ZRSR2: variants seen among roughly 807,000 people sequenced by gnomAD.
The protein encoded by ZRSR2 is zinc finger CCCH-type, RNA binding motif and serine/arginine rich 2, also known as U2 small nuclear ribonucleoprotein auxiliary factor 35 kDa subunit-related protein 2.
Under a neutral mutation model 39.4 loss-of-function variants are expected in ZRSR2, and 3 were observed. The observed-to-expected ratio is 0.08, with a 90% CI of 0.03 to 0.20. ZRSR2 has a LOEUF of 0.20. Among genes scored for constraint, ZRSR2 ranks in the 10% least tolerant of loss-of-function variants. The pLI, the probability that ZRSR2 is intolerant of heterozygous loss-of-function variation, is 1.00. For synonymous variants in ZRSR2, 137 were observed against 136.0 expected (o/e 1.01, Z -0.05); for missense variants, 256 against 391.5 (o/e 0.65, Z 2.92).
At chrX:15,793,595 A>G (rs1185757084) in intron 2 of ZRSR2, among the ~76,000 whole-genome samples, 1 of 111,539 alleles carries the variant, frequency 9.0e-6, no homozygotes, top group Non-Finnish European at 1.9e-5. Context: ...CTGGAGTGCA[A>G]TGGCACGATC....
intron 5 of ZRSR2, among the ~76,000 whole-genome samples, chrX:15,805,663 G>A (rs1932772048): frequency 8.9e-6 from 1 of 111,781 alleles, no homozygotes; most frequent in Non-Finnish European, 1.9e-5. Context: ...CAGGCGTGGT[G>A]GCTCACGCCT....
At position 15,808,192 on chromosome X, in the gene ZRSR2, A is replaced by C. The variant is rs746597970; in HGVS notation, c.400-41A>C. 5 of 1,176,590 alleles carry C rather than the reference A, an allele frequency of 4.2e-6. No individual in the cohort carries two copies. The South Asian group carries it at 8.9e-5, about 21-fold the overall frequency. ...AGAGAAACCAGATGTGACTTACCTG[A>C]CTTCTGGGTTTTTATTAGTCCTGTG... On this transcript the variant is annotated intron_variant, in intron 5 of 10. Transcript: ENST00000307771.
intron 5 of ZRSR2, 69 bp downstream of exon 5, chrX:15,804,266 G>A: frequency 9.1e-7 from 1 of 1,094,853 alleles, no homozygotes; most frequent in Non-Finnish European, 1.2e-6. Context: ...TCAGAGTTTG[G>A]GTTTTTTTTT....
intron 7 of ZRSR2, 103 bp downstream of exon 7, chrX:15,809,421 G>A: frequency 3.5e-6 from 2 of 573,895 alleles, no homozygotes; most frequent in East Asian, 3.4e-5. Flanking sequence ...TCAAATGTCC[G>A]TCATCAGACA....
At chrX:15,818,560 A>G (rs749817986) in intron 8 of ZRSR2, 27 bp from the exon 9 acceptor site, 1 of 1,183,826 alleles carries the variant, frequency 8.4e-7, no homozygotes, top group Admixed American at 2.3e-5. Context: ...TGAATTTTTT[A>G]TGATAGCATT....
Position 15,822,817 on chromosome X carries a change from G to A in ZRSR2, c.1024G>A (p.Ala342Thr). The A allele has an allele frequency of 8.2e-7, 1 of 1,212,298 alleles. No homozygotes were observed. The highest frequency in any genetic ancestry group is 1.1e-6 in the Non-Finnish European group (1 of 895,660). The stretch of plus-strand genomic sequence containing the variant: ...AAATCCCAACAATGAATTCTGGGAA[G>A]CTAATAGAGACATCTACTTGTCTCC... Reference protein sequence around the residue: ...FRNPNNEFWEANRDIYLSPDR... With the variant: ...FRNPNNEFWETNRDIYLSPDR... Residue 342 changes from alanine (A) to threonine (T), a missense_variant, in exon 11 of 11, where the codon GCT (alanine) becomes ACT (threonine). By Grantham distance (58) the Ala-to-Thr change is moderately conservative. Transcript: ENST00000307771.
At chrX:15,805,670 G>A (rs1452939200) in intron 5 of ZRSR2, among the ~76,000 whole-genome samples, 3 of 111,562 alleles carry the variant, frequency 2.7e-5, no homozygotes, top group African/African-American at 6.5e-5. Flanking sequence ...GGTGGCTCAC[G>A]CCTGTAATCC....
Position 15,822,961 on chromosome X carries a change from A to G in ZRSR2, c.1168A>G (p.Lys390Glu), listed in dbSNP as rs1933149593. ...AAACCCTAGTCCAGACCACTCCTAC[A>G]AAAGAAATGGGGAATCCGAGAGGAA... ...RRNPSPDHSYKRNGESERKSS... is the reference protein window; with the variant it reads ...RRNPSPDHSYERNGESERKSS... The change falls in exon 11 of 11, where the codon AAA becomes GAA. Residue 390 changes from lysine to glutamate, a missense_variant. Transcript: ENST00000307771. 4 of 1,212,509 alleles carry G rather than the reference A, an allele frequency of 3.3e-6. No individual in the cohort carries two copies. The highest frequency in any genetic ancestry group is 4.5e-6 in the Non-Finnish European group (4 of 895,686).
intron 2 of ZRSR2, among the ~76,000 whole-genome samples, chrX:15,798,712 G>C (rs1435648641): frequency 8.9e-6 from 1 of 112,179 alleles, no homozygotes; most frequent in Non-Finnish European, 1.9e-5. Flanking sequence ...ACTCAAGCCA[G>C]TTATCTTGTG....
rs748769317 is a variant in ZRSR2, at chrX:15,823,087, G to C, written c.1294G>C (p.Asp432His). 7.4e-6 allele frequency: 9 copies of C among 1,208,493 alleles called. No homozygotes were observed. The East Asian group carries it at 2.7e-4, about 36-fold the overall frequency. Reference sequence around the variant, plus strand: ...AGGAAGAAATAGGGACCGCAGCAGGGACCGCAGCCGGGGCCGGGGCAGCCG... The same window carrying C: ...AGGAAGAAATAGGGACCGCAGCAGGCACCGCAGCCGGGGCCGGGGCAGCCG... ...SRGRNRDRSRDRSRGRGSRSR... is the reference protein window; with the variant it reads ...SRGRNRDRSRHRSRGRGSRSR... Residue 432 changes from aspartate (D) to histidine (H), a missense_variant, in exon 11 of 11, where the codon GAC (aspartate) becomes CAC (histidine). Physicochemically the swap from Asp to His is moderately conservative, Grantham distance 81. Around this residue, in one of 3 missense-constraint regions of ZRSR2, gnomAD observed 111 missense variants for 116.7 expected, o/e 0.95. Coordinates refer to ENST00000307771, the MANE Select transcript of ZRSR2 (RefSeq NM_005089.4).
rs752736259 is a variant in ZRSR2, at chrX:15,823,107, CAGCCGGAGCCGG to C, written c.1332_1343del (p.Ser445_Arg448del). ...GCAGGGACCGCAGCCGGGGCCGGGG[CAGCCGGAGCCGG>C]AGCCGGAGCCGGAGCCGCAGGAGCC... On this transcript the variant is annotated inframe_deletion, in exon 11 of 11. Transcript: ENST00000307771. 142 of 1,204,322 alleles carry C rather than the reference CAGCCGGAGCCGG, an allele frequency of 1.2e-4. 1 individual carries two copies. Among genetic ancestry groups the C allele is most frequent in the African/African-American group, 1.8e-4 (10 of 56,939 alleles).
chrX:15,817,526 C>T (rs1933002305), intron 8 of ZRSR2, among the ~76,000 whole-genome samples: 1 of 111,698 alleles, frequency 9.0e-6, no homozygotes, highest in Non-Finnish European at 1.9e-5. Context: ...AAATATTTAA[C>T]CTAACTAGTA....
rs1431516256 is a variant in ZRSR2 at position 15,803,770 on chromosome X, G to A, written c.286G>A (p.Ala96Thr). The change falls in exon 4 of 11, where the codon GCT becomes ACT. Residue 96 changes from alanine (A) to threonine (T), a missense_variant. Physicochemically the swap from Ala to Thr is moderately conservative, Grantham distance 58 (BLOSUM62 0). This residue lies in a region of ZRSR2 where 87 missense variants were observed against 111.7 expected (regional missense o/e 0.78). Coordinates refer to ENST00000307771, the MANE Select transcript of ZRSR2 (RefSeq NM_005089.4). ...FRIKKEKEEA[A>T]KKRQEEQERK... is the part of the protein sequence containing the mutation. Reference sequence around the variant, plus strand: ...AATAAAGAAGGAAAAGGAAGAGGCGGCTAAAAAACGGCAAGAAGAACAAGA... The same window carrying A: ...AATAAAGAAGGAAAAGGAAGAGGCGACTAAAAAACGGCAAGAAGAACAAGA... 5.9e-6 allele frequency: 7 copies of A among 1,194,407 alleles called. No homozygotes were observed. The highest frequency in any genetic ancestry group is 6.8e-6 in the Non-Finnish European group (6 of 886,188).
Position 15,804,092 on chromosome X carries a change from T to C in ZRSR2, c.313-19T>C. The stretch of plus-strand genomic sequence containing the variant: ...TAAAAAGTGACTGAAACAAAGTTAC[T>C]TTTTCTTCCCCTTTAAAGAGAAAGT... On this transcript the variant is annotated intron_variant, in intron 4 of 10. Coordinates refer to ENST00000307771, the MANE Select transcript of ZRSR2 (RefSeq NM_005089.4). 1 of 1,162,150 alleles carries C rather than the reference T, an allele frequency of 8.6e-7. No individual in the cohort carries two copies. Among genetic ancestry groups the C allele is most frequent in the Non-Finnish European group, 1.1e-6 (1 of 876,133 alleles).
intron 3 of ZRSR2, among the ~76,000 whole-genome samples, chrX:15,802,632 G>T (rs1932708135): frequency 9.2e-6 from 1 of 109,091 alleles, no homozygotes; most frequent in South Asian, 4.0e-4. Flanking sequence ...GCTAATTTTT[G>T]TATTTTTAGT....
intron 5 of ZRSR2, among the ~76,000 whole-genome samples, chrX:15,807,852 C>T (rs2147284533): frequency 9.2e-6 from 1 of 108,307 alleles, no homozygotes; most frequent in African/African-American, 3.4e-5. Context: ...CTAGCCTGGG[C>T]AACATGGTGA....
intron 10 of ZRSR2, among the ~76,000 whole-genome samples, chrX:15,821,141 A>G (rs1391153562): frequency 2.7e-5 from 3 of 111,516 alleles, no homozygotes; most frequent in Non-Finnish European, 5.6e-5. Context: ...GGGAAAAGAA[A>G]GATTTTAGGA....
intron 7 of ZRSR2, among the ~76,000 whole-genome samples, chrX:15,810,244 T>G (rs1215346197): frequency 9.0e-6 from 1 of 111,338 alleles, no homozygotes; most frequent in East Asian, 2.8e-4. Flanking sequence ...TTCAGTCATT[T>G]AGCAAGTCTT....
At chrX:15,792,065 C>T (rs1601803515) in intron 2 of ZRSR2, among the ~76,000 whole-genome samples, 1 of 112,279 alleles carries the variant, frequency 8.9e-6, no homozygotes, top group East Asian at 2.9e-4. Context: ...CTCGGCCTCC[C>T]AAAGTGCTGG....
Sources: gnomAD v4.1 joint callset for allele counts (sites outside exome capture counted in the v4.1 genomes callset) on GRCh38, gnomAD v4.1.1 for gene constraint, gnomAD v4.1.1 regional missense constraint, MANE v1.5 for transcripts, NCBI Gene and HGNC (gene_info 2026-07-23, HGNC 2026-07-21) for gene names.